Variants in EP400 observed in about 807,000 individuals in gnomAD.
EP400 encodes the protein E1A binding protein p400.
Under a neutral mutation model 354.1 loss-of-function variants are expected in EP400, and 105 were observed. The ratio of observed to expected loss-of-function variants is 0.30; its 90% CI spans 0.25 to 0.35. EP400 has a LOEUF of 0.35. EP400 is among the 10% of genes least tolerant of loss of function. The pLI, the probability that EP400 is intolerant of heterozygous loss-of-function variation, is 1.00. For missense variants in EP400, 3,280 were observed against 4,121.0 expected, an observed-to-expected ratio of 0.80 and a Z score of 5.59; for synonymous variants, 1,646 against 1,716.9, an observed-to-expected ratio of 0.96 and a Z score of 1.02.
intron 15 of EP400, among the ~76,000 whole-genome samples, chr12:132,009,004 C>T (rs539397704): frequency 1.4e-5 from 2 of 139,618 alleles, no homozygotes; most frequent in Non-Finnish European, 1.5e-5. Flanking sequence ...GCCCTGACTT[C>T]CCAGGTGCAA....
At chr12:132,003,222 A>AC (rs1393286021) in intron 12 of EP400, among the ~76,000 whole-genome samples, 1 of 150,940 alleles carries the variant, frequency 6.6e-6, no homozygotes, top group Non-Finnish European at 1.5e-5. Context: ...AACCAAAAAA[A>AC]CCCCCCAAAC....
At position 132,065,466 on chromosome 12, in the gene EP400, C is replaced by T. The variant is rs564005196; in HGVS notation, c.8553+580C>T. 7.7e-5 allele frequency: 12 copies of T among 155,196 alleles called. No homozygotes were observed. The South Asian group carries it at 2.0e-3, about 26-fold the overall frequency. The allele number at this position is 155,196 out of a possible 1,614,324, so 9.6% of individuals were successfully genotyped here. A position where few individuals can be genotyped will look rare whatever the true frequency, so the allele number is the denominator to read the frequency against. ...ACAGCTGCCCTGTTGGAGGCTCACCCTGAGCTAGACTTTGCCCTTCGTTCT... is the reference window on the plus strand; with the variant it reads ...ACAGCTGCCCTGTTGGAGGCTCACCTTGAGCTAGACTTTGCCCTTCGTTCT... On this transcript the variant is annotated intron_variant, in intron 48 of 52. Coordinates refer to ENST00000389561, the MANE Select transcript of EP400 (RefSeq NM_015409.5).
chr12:132,037,131 GA>G (rs1428933808), intron 30 of EP400, among the ~76,000 whole-genome samples: 6 of 152,318 alleles, frequency 3.9e-5, no homozygotes, highest in Admixed American at 2.0e-4. Context: ...GAATCTTGAG[GA>G]AGCCTTGTGT....
chr12:132,039,932 G>A (rs1345612488), intron 32 of EP400, among the ~76,000 whole-genome samples: 3 of 152,190 alleles, frequency 2.0e-5, no homozygotes, highest in Non-Finnish European at 4.4e-5. Context: ...CCCAGCTACT[G>A]GGGTGGCTGA....
At chr12:132,073,228 CTTTTTTT>C (rs56108246) in intron 51 of EP400, among the ~76,000 whole-genome samples, 1 of 125,500 alleles carries the variant, frequency 8.0e-6, no homozygotes, top group Non-Finnish European at 1.7e-5. Flanking sequence ...GCCACCTTCT[CTTTTTTT>C]TTTTTTTTTT....
Position 132,077,559 on chromosome 12 carries a change from T to C in EP400, c.9258T>C (p.Ala3086=), listed in dbSNP as rs1306483823. 3 of 1,613,750 alleles carry C rather than the reference T, an allele frequency of 1.9e-6. No individual in the cohort carries two copies. The highest frequency in any genetic ancestry group is 2.5e-6 in the Non-Finnish European group (3 of 1,179,960). The stretch of plus-strand genomic sequence containing the variant: ...CGGCCCCGCTCCAGACTCCAGGCGC[T>C]CCCAACCCAGCCCAGGTGCCCGCCA... ...TASAPLQTPG[A]PNPAQVPASS... The change falls in exon 53 of 53, where the codon GCT becomes GCC. Residue 3086 remains alanine, a synonymous_variant. Coordinates refer to ENST00000389561, the MANE Select transcript of EP400 (RefSeq NM_015409.5).
chr12:132,077,650 C>T lies in EP400; in HGVS notation c.9349C>T (p.Pro3117Ser), dbSNP rs148674720. The T allele has an allele frequency of 3.2e-5, 52 of 1,611,068 alleles. No individual in the cohort carries two copies. Among genetic ancestry groups the T allele is most frequent in the Non-Finnish European group, 4.2e-5 (50 of 1,178,358 alleles). The change falls in exon 53 of 53, where the codon CCT becomes TCT. Residue 3117 changes from proline to serine, a missense_variant. Coordinates refer to ENST00000389561, the MANE Select transcript of EP400 (RefSeq NM_015409.5). ...MRVPAVRLKT[P>S]TKPPCQ is the part of the protein sequence containing the mutation. ...GGTCCCTGCTGTCAGGCTAAAGACA[C>T]CTACTAAGCCTCCGTGCCAGTAGTC...
intron 51 of EP400, among the ~76,000 whole-genome samples, chr12:132,073,295 T>C (rs988638654): frequency 6.6e-6 from 1 of 151,628 alleles, no homozygotes; most frequent in African/African-American, 2.4e-5. Context: ...CTTTCTGTTC[T>C]TTAAGTGGTT....
intron 45 of EP400, among the ~76,000 whole-genome samples, chr12:132,055,671 TGA>T (rs1427514329): frequency 8.0e-6 from 1 of 124,324 alleles, no homozygotes; most frequent in Non-Finnish European, 1.6e-5. Flanking sequence ...GGTATGTGTG[TGA>T]GGTGTAGGGG....
chr12:132,045,385 G>A lies in EP400; in HGVS notation c.6851G>A (p.Arg2284His), dbSNP rs761683226. 9.3e-6 allele frequency: 15 copies of A among 1,614,124 alleles called. No homozygotes were observed. The highest frequency in any genetic ancestry group is 3.3e-4 in the Middle Eastern group (2 of 6,084). Residue 2284 changes from arginine (R) to histidine (H), a missense_variant, in exon 38 of 53, where the codon CGC becomes CAC. This residue lies in a region of EP400 where 231 missense variants were observed against 257.9 expected (regional missense o/e 0.90). Coordinates refer to ENST00000389561, the MANE Select transcript of EP400 (RefSeq NM_015409.5). The part of the protein sequence containing the change: ...AVVPPRSLFD[R>H]ATPGLLKIRR... ...GTCCCTCCTCGGTCCCTGTTTGACC[G>A]CGCAACACCAGGACTTCTGAAAATT... is the stretch of plus-strand genomic sequence containing the variant.
At position 132,021,088 on chromosome 12, in the gene EP400, C is replaced by T; in HGVS notation, c.4457C>T (p.Ala1486Val). The T allele has an allele frequency of 6.3e-7, 1 of 1,596,914 alleles. No individual in the cohort carries two copies. Among genetic ancestry groups the T allele is most frequent in the Non-Finnish European group, 8.5e-7 (1 of 1,177,940 alleles). Residue 1486 changes from alanine (A) to valine (V), a missense_variant, in exon 23 of 53, where the codon GCC becomes GTC. By Grantham distance (64) the Ala-to-Val change is moderately conservative (BLOSUM62 0). Coordinates refer to ENST00000389561, the MANE Select transcript of EP400 (RefSeq NM_015409.5). ...SANPEAKAAA[A>V]PFQTSQASAS... ...ACCTTATCGATTGCAGCAGCAGCAG[C>T]CCCGTTTCAGACCTCTCAGGCTTCC...
At chr12:132,040,035 G>A (rs1894844943) in intron 32 of EP400, among the ~76,000 whole-genome samples, 1 of 152,192 alleles carries the variant, frequency 6.6e-6, no homozygotes. Context: ...GTGACACCCT[G>A]TCTCAAAGAT....
At chr12:132,021,512 A>G (rs866834757) in intron 23 of EP400, among the ~76,000 whole-genome samples, 191 bp downstream of exon 23, 3 of 152,358 alleles carry the variant, frequency 2.0e-5, no homozygotes, top group South Asian at 4.1e-4. Flanking sequence ...TGTGGAGGCC[A>G]CATCCGGCCT....
intron 7 of EP400, 98 bp downstream of exon 7, chr12:131,987,988 T>A: frequency 2.7e-6 from 2 of 728,658 alleles, no homozygotes; most frequent in Non-Finnish European, 3.7e-6. Context: ...ACCCACTTTT[T>A]TTTTTTTTTT....
At chr12:132,009,097 T>C (rs1297481112) in intron 15 of EP400, among the ~76,000 whole-genome samples, 1 of 150,188 alleles carries the variant, frequency 6.7e-6, no homozygotes, top group East Asian at 2.0e-4. Context: ...AAAAACTGGC[T>C]AAGTTTTATA....
Position 132,062,702 on chromosome 12 carries a change from G to T in EP400, c.8334+1G>T, listed in dbSNP as rs1288829263. ...CAAAGCTGTGGGCAAGCTGACGCCG[G>T]TGAGCATTTCCCAGAGGACCATGAA... On this transcript the variant is annotated splice_donor_variant, in intron 47 of 52. Transcript: ENST00000389561. LOFTEE classifies it high-confidence loss of function. 6.2e-7 allele frequency: 1 copy of T among 1,613,332 alleles called. No homozygotes were observed. Among genetic ancestry groups the T allele is most frequent in the Admixed American group, 1.7e-5 (1 of 60,012 alleles).
At chr12:132,056,603 A>C (rs545927644) in intron 45 of EP400, among the ~76,000 whole-genome samples, 4 of 152,280 alleles carry the variant, frequency 2.6e-5, no homozygotes, top group Admixed American at 2.6e-4. Flanking sequence ...CAGGTGGATC[A>C]CAGGCCTGCA....
chr12:132,021,393 T>C, intron 23 of EP400, 72 bp downstream of exon 23: 1 of 1,434,156 alleles, frequency 7.0e-7, no homozygotes, highest in African/African-American at 1.5e-5. Flanking sequence ...AACACGGGGA[T>C]GTAGGAGGAG....
intron 2 of EP400, among the ~76,000 whole-genome samples, chr12:131,962,863 C>T (rs1201159102): frequency 6.6e-6 from 1 of 152,196 alleles, no homozygotes; most frequent in Admixed American, 6.5e-5. Flanking sequence ...TTTGTCAGCT[C>T]TTCTGCAAAG....
Sources: gnomAD v4.1 joint callset for allele counts (sites outside exome capture counted in the v4.1 genomes callset) on GRCh38, gnomAD v4.1.1 for gene constraint, gnomAD v4.1.1 regional missense constraint, MANE v1.5 for transcripts, NCBI Gene and HGNC (gene_info 2026-07-23, HGNC 2026-07-21) for gene names.